PTPRD: variants seen among roughly 807,000 people sequenced by gnomAD.
PTPRD encodes the protein receptor-type tyrosine-protein phosphatase delta.
Under a neutral mutation model 214.5 loss-of-function variants are expected in PTPRD, and 34 were observed. That is an observed-to-expected ratio of 0.16 (90% CI 0.12 to 0.21). The LOEUF (loss-of-function observed/expected upper bound fraction) is 0.21. Among genes scored for constraint, PTPRD ranks in the 10% least tolerant of loss-of-function variants. The probability of loss-of-function intolerance (pLI) is 1.00; values close to 1 mark genes in which losing one functional copy is unlikely to be tolerated. For synonymous variants in PTPRD, 1,128 were observed against 845.7 expected (o/e 1.33, Z -5.79); for missense variants, 2,545 against 2,398.7 (o/e 1.06, Z -1.27).
intron 21 of PTPRD, among the ~76,000 whole-genome samples, chr9:8,516,021 G>A (rs1005697433): frequency 1.3e-5 from 2 of 152,130 alleles, no homozygotes; most frequent in Non-Finnish European, 2.9e-5. Flanking sequence ...CAAGACCAGG[G>A]ATTGAAAAAA....
At chr9:8,688,382 T>C (rs1014722575) in intron 12 of PTPRD, among the ~76,000 whole-genome samples, 14 of 151,828 alleles carry the variant, frequency 9.2e-5, no homozygotes, top group East Asian at 1.9e-4. Flanking sequence ...CTAGCTAACA[T>C]GGTGAAACCC....
At chr9:9,181,600 T>G (rs767224172) in intron 10 of PTPRD, among the ~76,000 whole-genome samples, 2 of 151,990 alleles carry the variant, frequency 1.3e-5, no homozygotes, top group Non-Finnish European at 2.9e-5. Context: ...CCACCAGAAA[T>G]ATAATTATTA....
At chr9:9,738,211 C>T (rs752673429) in intron 6 of PTPRD, among the ~76,000 whole-genome samples, 1 of 151,928 alleles carries the variant, frequency 6.6e-6, no homozygotes, top group African/African-American at 2.4e-5. Context: ...ATGTAACAAA[C>T]CTGCACGTTG....
chr9:10,160,267 T>A (rs1251124689), intron 3 of PTPRD, among the ~76,000 whole-genome samples: 1 of 152,050 alleles, frequency 6.6e-6, no homozygotes, highest in East Asian at 1.9e-4. Context: ...AATACATTCC[T>A]GGGCACATAT....
chr9:10,192,696 T>C (rs2099373112), intron 3 of PTPRD, among the ~76,000 whole-genome samples: 1 of 152,138 alleles, frequency 6.6e-6, no homozygotes, highest in African/African-American at 2.4e-5. Flanking sequence ...CTAACCTTGC[T>C]CTCAGATTAT....
At chr9:9,792,915 T>A (rs1391426291) in intron 5 of PTPRD, among the ~76,000 whole-genome samples, 5 of 152,128 alleles carry the variant, frequency 3.3e-5, no homozygotes, top group Non-Finnish European at 7.4e-5. Context: ...TAAGGGGTAT[T>A]AAAATGGAGT....
At chr9:10,495,692 T>A (rs1199757595) in intron 2 of PTPRD, among the ~76,000 whole-genome samples, 1 of 151,832 alleles carries the variant, frequency 6.6e-6, no homozygotes, top group Non-Finnish European at 1.5e-5. Flanking sequence ...AGTGGAAACA[T>A]AGAGACTGTA....
At chr9:8,905,088 T>A (rs1459621519) in intron 11 of PTPRD, among the ~76,000 whole-genome samples, 1 of 152,204 alleles carries the variant, frequency 6.6e-6, no homozygotes, top group Non-Finnish European at 1.5e-5. Context: ...GAGAACATTG[T>A]CTACCTTTAA....
At chr9:10,006,754 T>C (rs1215130572) in intron 4 of PTPRD, among the ~76,000 whole-genome samples, 1 of 151,940 alleles carries the variant, frequency 6.6e-6, no homozygotes, top group Non-Finnish European at 1.5e-5. Flanking sequence ...AGCCTATCAA[T>C]GAAACACCAA....
At chr9:9,534,125 A>G (rs2076050510) in intron 8 of PTPRD, among the ~76,000 whole-genome samples, 1 of 152,106 alleles carries the variant, frequency 6.6e-6, no homozygotes, top group Admixed American at 6.6e-5. Context: ...TAAGTTGCTC[A>G]TCCTCTCATA....
intron 10 of PTPRD, among the ~76,000 whole-genome samples, chr9:9,111,231 T>G (rs983368381): frequency 6.7e-5 from 10 of 148,524 alleles, no homozygotes; most frequent in East Asian, 4.0e-4. Flanking sequence ...AAAAGAAAAG[T>G]GTTCAAACCA....
Position 8,610,773 on chromosome 9 carries a change from T to C in PTPRD, c.352+22544A>G, listed in dbSNP as rs2095419809. ...CTGCTGTGTTATTCTACTTAGTTTT[T>C]AGAAGAGCTTTAATTTCCTGGCACT... On this transcript the variant is annotated intron_variant, in intron 14 of 45. Transcript: ENST00000381196. Among the ~76,000 whole-genome samples, 2 of 152,226 alleles carry C rather than the reference T, an allele frequency of 1.3e-5. 1 individual carries two copies. Among genetic ancestry groups the C allele is most frequent in the South Asian group, 4.1e-4 (2 of 4,832 alleles).
In PTPRD at chr9:8,528,643, G is replaced by A. The variant is rs2139461704; in HGVS notation, c.489C>T (p.Phe163=). ...TGTTGTTGCTTGTGTCCACAGGTAAGAAATCTTTAAACCAAGTGATTTCTG... is the reference window on the plus strand; with the variant it reads ...TGTTGTTGCTTGTGTCCACAGGTAAAAAATCTTTAAACCAAGTGATTTCTG... ...PDPEITWFKD[F]LPVDTSNNNG... Residue 163 remains phenylalanine, a synonymous_variant, in exon 15 of 46, where the codon TTC becomes TTT. Coordinates refer to ENST00000381196, the MANE Select transcript of PTPRD (RefSeq NM_002839.4). The A allele has an allele frequency of 6.2e-7, 1 of 1,613,700 alleles. No homozygotes were observed. Among genetic ancestry groups the A allele is most frequent in the Non-Finnish European group, 8.5e-7 (1 of 1,179,748 alleles).
intron 10 of PTPRD, among the ~76,000 whole-genome samples, chr9:9,129,159 G>T (rs1175906411): frequency 6.6e-6 from 1 of 152,214 alleles, no homozygotes; most frequent in East Asian, 1.9e-4. Flanking sequence ...GGAGGCCGAG[G>T]CGGGTTGATC....
At chr9:8,631,639 A>G (rs985498729) in intron 14 of PTPRD, among the ~76,000 whole-genome samples, 1 of 151,960 alleles carries the variant, frequency 6.6e-6, no homozygotes, top group African/African-American at 2.4e-5. Context: ...TCTCACTTGT[A>G]TGCAGAAAGC....
At chr9:9,280,532 G>T (rs1311674155) in intron 9 of PTPRD, among the ~76,000 whole-genome samples, 1 of 150,916 alleles carries the variant, frequency 6.6e-6, no homozygotes, top group Admixed American at 6.6e-5. Flanking sequence ...ATTTATTTTA[G>T]CACACACAAA....
In PTPRD at chr9:8,331,599, G is replaced by C. The variant is rs141981543; in HGVS notation, c.5517C>G (p.Pro1839=). ...AAACTTACCTGCAATGGACTGAAAT[G>C]GGTCCATCTTGGCCAAACTGTTCTT... ...KTKEQFGQDG[P]ISVHCSAGVG... is the part of the protein sequence containing the mutation. Residue 1839 remains proline (P), a synonymous_variant, in exon 44 of 46, where the codon CCC becomes CCG. Transcript: ENST00000381196. 1.1e-5 allele frequency: 14 copies of C among 1,267,972 alleles called. No homozygotes were observed. In the South Asian group the frequency reaches 2.1e-4, roughly 19 times the overall value. 78.5% of individuals were successfully genotyped at this position (1,267,972 alleles called of 1,614,324 possible). A position where few individuals can be genotyped will look rare whatever the true frequency, so the allele number is the denominator to read the frequency against.
intron 10 of PTPRD, among the ~76,000 whole-genome samples, chr9:9,028,928 G>A (rs944151062): frequency 6.8e-6 from 1 of 146,866 alleles, no homozygotes; most frequent in Non-Finnish European, 1.5e-5. Context: ...AGCAAGGAAT[G>A]AAAATGGGGG....
Position 8,936,427 on chromosome 9 carries a change from C to CAAAAAAAAAAAAAAAAAAAAA in PTPRD, c.-104+82249_-104+82269dup, listed in dbSNP as rs1181403459. 1.2e-3 allele frequency among the ~76,000 whole-genome samples: 39 copies of CAAAAAAAAAAAAAAAAAAAAA among 31,640 alleles called. 3 individuals carry two copies. The highest frequency in any genetic ancestry group is 1.7e-3 in the Non-Finnish European group (32 of 19,046). 20.8% of individuals were successfully genotyped at this position (31,640 alleles called of 152,430 possible). ...AGGCAACAGAGCAAGACCCTGCCTC[C>CAAAAAAAAAAAAAAAAAAAAA]AAAAAAAAAAAAAAAAAAAAAAAGA... On this transcript the variant is annotated intron_variant, in intron 11 of 45. Transcript: ENST00000381196.
Sources: allele counts gnomAD v4.1 joint callset (sites outside exome capture counted in the v4.1 genomes callset), GRCh38; gene constraint gnomAD v4.1.1; transcripts MANE v1.5; gene names NCBI Gene and HGNC (gene_info 2026-07-23, HGNC 2026-07-21).